RB1CC1: variants seen among roughly 807,000 people sequenced by gnomAD.
RB1CC1 encodes the protein RB1 inducible coiled-coil 1.
Under a neutral mutation model 177.5 loss-of-function variants are expected in RB1CC1, and 46 were observed. The ratio of observed to expected loss-of-function variants is 0.26; its 90% confidence interval spans 0.20 to 0.33. The LOEUF is 0.33. Ranked by LOEUF, RB1CC1 falls within the 10% of genes least tolerant of loss-of-function variation. The pLI, the probability that RB1CC1 is intolerant of heterozygous loss-of-function variation, is 1.00. For missense variants in RB1CC1, 1,703 were observed against 1,816.3 expected (o/e 0.94, Z 1.13); for synonymous variants, 666 against 613.6 (o/e 1.09, Z -1.26).
chr8:52,659,649 A>T (rs1851431370), intron 12 of RB1CC1, among the ~76,000 whole-genome samples: 1 of 152,232 alleles, frequency 6.6e-6, no homozygotes, highest in African/African-American at 2.4e-5. Flanking sequence ...CTTATGTATT[A>T]AAAAATGCAT....
intron 1 of RB1CC1, among the ~76,000 whole-genome samples, chr8:52,697,963 C>T (rs1333787922): frequency 6.6e-6 from 1 of 152,190 alleles, no homozygotes; most frequent in African/African-American, 2.4e-5. Flanking sequence ...TTAAAGCATA[C>T]ACAAGACACT....
At chr8:52,697,716 T>TCTC (rs1855567129) in intron 1 of RB1CC1, among the ~76,000 whole-genome samples, 1 of 152,224 alleles carries the variant, frequency 6.6e-6, no homozygotes. Context: ...ACTGTAACAT[T>TCTC]CTCTCTACTT....
intron 15 of RB1CC1, among the ~76,000 whole-genome samples, chr8:52,655,190 G>A (rs1850970288): frequency 6.6e-6 from 1 of 152,224 alleles, no homozygotes; most frequent in East Asian, 1.9e-4. Context: ...GCCAAAAGGG[G>A]AGGTTTAACA....
intron 1 of RB1CC1, among the ~76,000 whole-genome samples, chr8:52,695,499 C>CA (rs1450525011): frequency 2.0e-5 from 3 of 152,178 alleles, no homozygotes; most frequent in Admixed American, 6.5e-5. Context: ...ACTCATGTAT[C>CA]AGTTAAGTTC....
chr8:52,631,388 G>A (rs1050251244), intron 20 of RB1CC1, among the ~76,000 whole-genome samples: 3 of 152,134 alleles, frequency 2.0e-5, no homozygotes, highest in Non-Finnish European at 4.4e-5. Flanking sequence ...AAGATCACTT[G>A]AGCCTGGAAG....
chr8:52,635,095 T>TA (rs1362801192), intron 19 of RB1CC1, 127 bp from the exon 20 acceptor site: 3 of 749,502 alleles, frequency 4.0e-6, no homozygotes, highest in African/African-American at 1.8e-5. Context: ...ATGGGGATAT[T>TA]ATTTTCTATG....
At position 52,714,233 on chromosome 8, in the gene RB1CC1, G is replaced by A; in HGVS notation, c.-325C>T. The A allele has an allele frequency of 8.9e-6, 2 of 224,246 alleles. No homozygotes were observed. The highest frequency in any genetic ancestry group is 7.7e-5 in the South Asian group (2 of 26,116). 13.9% of individuals were successfully genotyped at this position (224,246 alleles called of 1,614,324 possible). ...GCGTCCCGGGCGCCCGCCCGCCGCG[G>A]CCCCGAACTCTAGGAGGCAGGGAGG... On this transcript the variant is annotated 5_prime_UTR_variant, in exon 1 of 24. Coordinates refer to ENST00000025008, the MANE Select transcript of RB1CC1 (RefSeq NM_014781.5).
rs193135316 is a variant in RB1CC1, at chr8:52,632,670, A to G, written c.4441-2142T>C. On this transcript the variant is annotated intron_variant, in intron 20 of 23. Transcript: ENST00000025008. ...GTGATGCTCTCTGGGTCTGAAAGAC[A>G]ATTTATTCTGTGAAAAGAAAATAAA... Among the ~76,000 whole-genome samples, 1,370 of 152,328 alleles carry G rather than the reference A, an allele frequency of 9.0e-3. 14 individuals carry two copies. Among genetic ancestry groups the G allele is most frequent in the Non-Finnish European group, 0.015 (1,006 of 68,018 alleles).
chr8:52,638,134 G>A (rs1849292100), intron 18 of RB1CC1, among the ~76,000 whole-genome samples: 1 of 152,148 alleles, frequency 6.6e-6, no homozygotes, highest in Non-Finnish European at 1.5e-5. Context: ...TCTCACAGAT[G>A]CCTTTCAATA....
At chr8:52,659,789 G>T (rs149554925) in intron 12 of RB1CC1, among the ~76,000 whole-genome samples, 5 of 152,336 alleles carry the variant, frequency 3.3e-5, no homozygotes, top group Non-Finnish European at 7.3e-5. Flanking sequence ...CTTGGGGCCA[G>T]GAGTTTGAGA....
rs199537115 is a variant in RB1CC1 at position 52,657,098 on chromosome 8, T to C, written c.2731A>G (p.Asn911Asp). ...CLEEVLQNKD[N>D]EFALVKHEKE... ...TCATGTTTAACCAAAGCAAATTCAT[T>C]ATCTTTATTTTGTAAAACCTCCTCA... The change falls in exon 15 of 24, where the codon AAT becomes GAT. Residue 911 changes from asparagine to aspartate, a missense_variant. Asn to Asp is a conservative substitution (Grantham distance 23). Coordinates refer to ENST00000025008, the MANE Select transcript of RB1CC1 (RefSeq NM_014781.5). 138 of 1,610,240 alleles carry C rather than the reference T, an allele frequency of 8.6e-5. No individual in the cohort carries two copies. The East Asian group carries it at 2.8e-3, about 33-fold the overall frequency.
intron 3 of RB1CC1, among the ~76,000 whole-genome samples, chr8:52,684,587 A>G (rs1854078101): frequency 6.6e-6 from 1 of 152,242 alleles, no homozygotes; most frequent in Admixed American, 6.5e-5. Context: ...GTCAAGCCAG[A>G]GAATTATTAG....
At chr8:52,624,635 AGT>A in intron 23 of RB1CC1, 80 bp downstream of exon 23, 6 of 1,110,186 alleles carry the variant, frequency 5.4e-6, no homozygotes, top group Non-Finnish European at 8.1e-6. Context: ...CAAGAACAGC[AGT>A]GGTAATGATT....
At chr8:52,671,121 A>G (rs1258380916) in intron 7 of RB1CC1, among the ~76,000 whole-genome samples, 5 of 152,208 alleles carry the variant, frequency 3.3e-5, no homozygotes, top group African/African-American at 1.2e-4. Flanking sequence ...TAAAACTAGG[A>G]ATCCCATGTT....
chr8:52,676,499 G>T lies in RB1CC1; in HGVS notation c.442C>A (p.Gln148Lys). The change falls in exon 6 of 24, where the codon CAA becomes AAA. Residue 148 changes from glutamine to lysine, a missense_variant. Physicochemically the swap from Gln to Lys is moderately conservative, Grantham distance 53 (BLOSUM62 1). Around this residue, in one of 6 missense-constraint regions of RB1CC1, gnomAD observed 315 missense variants for 304.9 expected, o/e 1.03. Coordinates refer to ENST00000025008, the MANE Select transcript of RB1CC1 (RefSeq NM_014781.5). ...GLVHDEHLQH[Q>K]GWAAIMANLE... ...TTGGCCATGATTGCAGCCCAGCCTTGGTGTTGAAGATGTTCATCATGTACA... is the reference window on the plus strand; with the variant it reads ...TTGGCCATGATTGCAGCCCAGCCTTTGTGTTGAAGATGTTCATCATGTACA... The T allele has an allele frequency of 6.2e-7, 1 of 1,613,538 alleles. No homozygotes were observed. Among genetic ancestry groups the T allele is most frequent in the African/African-American group, 1.3e-5 (1 of 75,022 alleles).
rs1848187909 is a variant in RB1CC1 at position 52,623,607 on chromosome 8, A to G, written c.*175T>C. 1.5e-6 allele frequency: 1 copy of G among 648,480 alleles called. No individual in the cohort carries two copies. Among genetic ancestry groups the G allele is most frequent in the South Asian group, 1.6e-5 (1 of 62,774 alleles). The allele number at this position is 648,480 out of a possible 1,614,324, so 40.2% of individuals were successfully genotyped here. A position where few individuals can be genotyped will look rare whatever the true frequency, so the allele number is the denominator to read the frequency against. ...TTTAATTCAGCCAAGGATTCTGATG[A>G]ATTTATTATTCCTAAAATGAAGCCA... On this transcript the variant is annotated 3_prime_UTR_variant, in exon 24 of 24. Coordinates refer to ENST00000025008, the MANE Select transcript of RB1CC1 (RefSeq NM_014781.5).
At chr8:52,669,325 C>T (rs556044103) in intron 7 of RB1CC1, among the ~76,000 whole-genome samples, 5 of 152,210 alleles carry the variant, frequency 3.3e-5, no homozygotes, top group East Asian at 1.9e-4. Flanking sequence ...CAAGATAAAC[C>T]GTGTTTTTCT....
In RB1CC1 at chr8:52,642,443, A is replaced by G; in HGVS notation, c.4245T>C (p.Pro1415=). The G allele has an allele frequency of 6.2e-7, 1 of 1,614,108 alleles. No homozygotes were observed. The highest frequency in any genetic ancestry group is 8.5e-7 in the Non-Finnish European group (1 of 1,179,982). ...ATCTATCTGATTCACCTGGGAGTTCAGGTGCACAAGCTCCATAAAGTTCTG... is the reference window on the plus strand; with the variant it reads ...ATCTATCTGATTCACCTGGGAGTTCGGGTGCACAAGCTCCATAAAGTTCTG... ...TAPELYGACA[P]ELPGESDRSA... The change falls in exon 18 of 24, where the codon CCT becomes CCC. Residue 1415 remains proline (P), a synonymous_variant. Coordinates refer to ENST00000025008, the MANE Select transcript of RB1CC1 (RefSeq NM_014781.5).
chr8:52,645,856 T>G lies in RB1CC1; in HGVS notation c.3833A>C (p.Asp1278Ala). Residue 1278 changes from aspartate (D) to alanine (A), a missense_variant, in exon 16 of 24, where the codon GAC becomes GCC. Asp to Ala is a moderately radical substitution (Grantham distance 126). Around this residue, in one of 6 missense-constraint regions of RB1CC1, gnomAD observed 1,169 missense variants for 1,184.7 expected, o/e 0.99. Coordinates refer to ENST00000025008, the MANE Select transcript of RB1CC1 (RefSeq NM_014781.5). ...ENQIAKSPAIDSTRGDSSSLV... is the reference protein window; with the variant it reads ...ENQIAKSPAIASTRGDSSSLV... The stretch of plus-strand genomic sequence containing the variant: ...GCTTGAAGAATCTCCTCTGGTAGAG[T>G]CAATGGCAGGACTTACAAATTAAAT... The G allele has an allele frequency of 6.3e-7, 1 of 1,594,502 alleles. No individual in the cohort carries two copies. Among genetic ancestry groups the G allele is most frequent in the Non-Finnish European group, 8.5e-7 (1 of 1,175,190 alleles).
Sources: allele counts gnomAD v4.1 joint callset (sites outside exome capture counted in the v4.1 genomes callset), GRCh38; gene constraint gnomAD v4.1.1; regional missense constraint gnomAD v4.1.1; transcripts MANE v1.5; gene names NCBI Gene and HGNC (gene_info 2026-07-23, HGNC 2026-07-21).